The following AHCYL2 variants were observed in gnomAD, a reference collection of about 807,000 sequenced individuals.
AHCYL2 encodes the protein adenosylhomocysteinase like 2.
A neutral mutation model predicts 81.4 loss-of-function variants in AHCYL2; 28 were observed. The observed-to-expected ratio is 0.34, with a 90% confidence interval of 0.25 to 0.47. AHCYL2 has a LOEUF of 0.47. Among genes scored for constraint, AHCYL2 ranks in the 20% least tolerant of loss-of-function variants. The pLI, the probability that AHCYL2 is intolerant of heterozygous loss-of-function variation, is 1.00. For missense variants in AHCYL2, 551 were observed against 785.1 expected (o/e 0.70, Z 3.56); for synonymous variants, 272 against 290.2 (o/e 0.94, Z 0.64).
chr7:129,257,134 C>G (rs1795457016), intron 1 of AHCYL2, among the ~76,000 whole-genome samples: 1 of 151,878 alleles, frequency 6.6e-6, no homozygotes, highest in Non-Finnish European at 1.5e-5. Flanking sequence ...TCCAAGACCA[C>G]CCAAAAAACA....
chr7:129,339,885 CTT>C (rs1317302943), intron 1 of AHCYL2, among the ~76,000 whole-genome samples: 1 of 136,834 alleles, frequency 7.3e-6, no homozygotes, highest in Non-Finnish European at 1.6e-5. Flanking sequence ...CAGTTTTGCT[CTT>C]GTTGCTCTCT....
chr7:129,351,515 C>G (rs1793562538), intron 1 of AHCYL2: 1 of 152,138 alleles, frequency 6.6e-6, no homozygotes. Flanking sequence ...TATGAAAATG[C>G]TTTTGACCTC....
At chr7:129,244,723 A>G (rs1448217519) in intron 1 of AHCYL2, among the ~76,000 whole-genome samples, 2 of 152,286 alleles carry the variant, frequency 1.3e-5, no homozygotes, top group Non-Finnish European at 1.5e-5. Flanking sequence ...TTAGATTTCA[A>G]CATACGAATC....
At chr7:129,286,552 C>G (rs1447373269) in intron 1 of AHCYL2, among the ~76,000 whole-genome samples, 2 of 152,216 alleles carry the variant, frequency 1.3e-5, no homozygotes, top group Non-Finnish European at 2.9e-5. Context: ...CCTCCACCTC[C>G]TGGGCTCAAG....
chr7:129,227,457 CAAAAAAAAAAAA>C (rs58088647), intron 1 of AHCYL2, among the ~76,000 whole-genome samples: 8 of 70,260 alleles, frequency 1.1e-4, no homozygotes, highest in Non-Finnish European at 2.1e-4. Flanking sequence ...CCTCTCTCTC[CAAAAAAAAAAAA>C]AAAAAAAAGA....
chr7:129,347,218 A>G (rs1044545042), intron 1 of AHCYL2, among the ~76,000 whole-genome samples: 1 of 138,540 alleles, frequency 7.2e-6, no homozygotes, highest in Non-Finnish European at 1.5e-5. Context: ...ACACATCATT[A>G]TACATTTGTC....
chr7:129,322,529 C>T (rs1337963802), intron 1 of AHCYL2, among the ~76,000 whole-genome samples: 1 of 152,180 alleles, frequency 6.6e-6, no homozygotes, highest in Non-Finnish European at 1.5e-5. Flanking sequence ...TCTTGAATGA[C>T]CTTTGTGCCT....
At chr7:129,238,608 A>G (rs937251129) in intron 1 of AHCYL2, among the ~76,000 whole-genome samples, 2 of 152,194 alleles carry the variant, frequency 1.3e-5, no homozygotes, top group Non-Finnish European at 2.9e-5. Flanking sequence ...TGTAGTTTGA[A>G]GAGGTCAGCA....
chr7:129,237,223 A>G (rs777413362), intron 1 of AHCYL2, among the ~76,000 whole-genome samples: 32 of 152,060 alleles, frequency 2.1e-4, no homozygotes, highest in Non-Finnish European at 4.1e-4. Context: ...ACCTGTTTAT[A>G]TGGTTGTATT....
chr7:129,259,545 T>C (rs1795546838), intron 1 of AHCYL2, among the ~76,000 whole-genome samples: 1 of 152,178 alleles, frequency 6.6e-6, no homozygotes, highest in African/African-American at 2.4e-5. Flanking sequence ...AGTTAAGTAC[T>C]GTACTTGTTT....
At chr7:129,292,285 T>C (rs529428247) in intron 1 of AHCYL2, among the ~76,000 whole-genome samples, 1 of 152,332 alleles carries the variant, frequency 6.6e-6, no homozygotes, top group African/African-American at 2.4e-5. Flanking sequence ...CTTTGCTTCA[T>C]TGTCATGAAT....
At chr7:129,308,333 G>C (rs1369733881) in intron 1 of AHCYL2, among the ~76,000 whole-genome samples, 1 of 152,188 alleles carries the variant, frequency 6.6e-6, no homozygotes, top group Non-Finnish European at 1.5e-5. Flanking sequence ...GTGGGTACCT[G>C]CTGAGTCCTG....
chr7:129,355,586 A>G (rs1380805721), intron 1 of AHCYL2, among the ~76,000 whole-genome samples: 2 of 152,182 alleles, frequency 1.3e-5, no homozygotes, highest in African/African-American at 4.8e-5. Flanking sequence ...ATAAGAATCA[A>G]TGTATTTTAT....
chr7:129,282,219 G>GT (rs1796470605), intron 1 of AHCYL2, among the ~76,000 whole-genome samples: 1 of 151,900 alleles, frequency 6.6e-6, no homozygotes, highest in African/African-American at 2.4e-5. Context: ...TTTTTCTTGT[G>GT]TTTTTTGTTC....
intron 1 of AHCYL2, among the ~76,000 whole-genome samples, chr7:129,322,548 A>G (rs1321541839): frequency 6.6e-6 from 1 of 152,180 alleles, no homozygotes; most frequent in Admixed American, 6.5e-5. Flanking sequence ...CTTTCAAAGT[A>G]TTTGTTGAAT....
intron 1 of AHCYL2, among the ~76,000 whole-genome samples, chr7:129,373,077 C>A (rs1794490559): frequency 6.6e-6 from 1 of 152,038 alleles, no homozygotes; most frequent in South Asian, 2.1e-4. Context: ...AAATCTTCAA[C>A]CAGAGAATTG....
chr7:129,242,204 C>G (rs867301772), intron 1 of AHCYL2, among the ~76,000 whole-genome samples: 6 of 152,088 alleles, frequency 3.9e-5, no homozygotes, highest in African/African-American at 1.4e-4. Flanking sequence ...GAATATACTA[C>G]AGTTTACACA....
chr7:129,315,450 C>G (rs1332909706), intron 1 of AHCYL2, among the ~76,000 whole-genome samples: 1 of 152,178 alleles, frequency 6.6e-6, no homozygotes, highest in Non-Finnish European at 1.5e-5. Context: ...CAGCACTCTG[C>G]CTTTGCTCTG....
chr7:129,271,904 GTTCC>G (rs946622116), intron 1 of AHCYL2, among the ~76,000 whole-genome samples: 1 of 152,188 alleles, frequency 6.6e-6, no homozygotes, highest in African/African-American at 2.4e-5. Context: ...GCTGATGTTA[GTTCC>G]TTCCCTCCAC....
Sources: gnomAD v4.1 joint callset for allele counts (sites outside exome capture counted in the v4.1 genomes callset) on GRCh38, gnomAD v4.1.1 for gene constraint, MANE v1.5 for transcripts, NCBI Gene and HGNC (gene_info 2026-07-23, HGNC 2026-07-21) for gene names.